The following FDX1 variants were observed in gnomAD, a reference collection of about 807,000 sequenced individuals.
FDX1 encodes adrenodoxin, mitochondrial.
Under a neutral mutation model 14.9 loss-of-function variants are expected in FDX1, and 9 were observed. The observed-to-expected ratio is 0.60, with a 90% CI of 0.36 to 1.05. The LOEUF (loss-of-function observed/expected upper bound fraction) is 1.05. FDX1 is among the 50% of genes least tolerant of loss of function. FDX1 has a pLI of 0.01. For synonymous variants in FDX1, 92 were observed against 99.4 expected, an observed-to-expected ratio of 0.93 and a Z score of 0.44; for missense variants, 204 against 237.2, an observed-to-expected ratio of 0.86 and a Z score of 0.92.
At position 110,459,870 on chromosome 11, in the gene FDX1, C is replaced by A. The variant is rs374355548; in HGVS notation, c.441-2484C>A. Among the ~76,000 whole-genome samples the A allele has an allele frequency of 3.4e-4, 52 of 152,364 alleles. 1 individual carries two copies. In the South Asian group the frequency reaches 9.9e-3, roughly 29 times the overall value. ...CCACAGAGCGCCACTGCCTTATTCT[C>A]TAGACTGAGCAGGAGCTTTTTGTTC... On this transcript the variant is annotated intron_variant, in intron 3 of 3. Coordinates refer to ENST00000260270, the MANE Select transcript of FDX1 (RefSeq NM_004109.5).
chr11:110,451,469 C>A (rs1421664155), intron 2 of FDX1, among the ~76,000 whole-genome samples: 2 of 152,126 alleles, frequency 1.3e-5, no homozygotes, highest in Non-Finnish European at 1.5e-5. Flanking sequence ...GAAATATGAA[C>A]ACTTTTACAC....
chr11:110,444,723 C>CGTATATATATATATAT (rs1946436016), intron 2 of FDX1, among the ~76,000 whole-genome samples: 2 of 23,918 alleles, frequency 8.4e-5, no homozygotes, highest in East Asian at 1.5e-3. Flanking sequence ...TATATATATA[C>CGTATATATATATATAT]GTATATATAT....
chr11:110,445,432 A>C (rs1195914854), intron 2 of FDX1, among the ~76,000 whole-genome samples: 3 of 152,152 alleles, frequency 2.0e-5, no homozygotes, highest in African/African-American at 7.2e-5. Flanking sequence ...GGTGACAACT[A>C]TTACAAGGTC....
chr11:110,447,382 A>C (rs1946458391), intron 2 of FDX1, among the ~76,000 whole-genome samples: 1 of 149,730 alleles, frequency 6.7e-6, no homozygotes, highest in Non-Finnish European at 1.5e-5. Context: ...CGAACCAGGG[A>C]GTCGGAGGTT....
At chr11:110,454,649 A>G (rs1430883439) in intron 2 of FDX1, among the ~76,000 whole-genome samples, 4 of 152,082 alleles carry the variant, frequency 2.6e-5, no homozygotes, top group African/African-American at 4.8e-5. Flanking sequence ...GTAACTTTGG[A>G]TAATAATAAT....
At chr11:110,432,834 C>T (rs766139798) in intron 1 of FDX1, among the ~76,000 whole-genome samples, 5 of 152,152 alleles carry the variant, frequency 3.3e-5, no homozygotes, top group Admixed American at 2.0e-4. Flanking sequence ...ATTTTTCTTT[C>T]GTTTCCGCCT....
At chr11:110,448,070 G>GA (rs1310013813) in intron 2 of FDX1, among the ~76,000 whole-genome samples, 2 of 152,196 alleles carry the variant, frequency 1.3e-5, no homozygotes, top group Non-Finnish European at 2.9e-5. Flanking sequence ...TCTTTTGGAT[G>GA]ATGCAGGTAC....
chr11:110,441,920 G>T (rs2358321), intron 2 of FDX1, among the ~76,000 whole-genome samples: 76 of 152,172 alleles, frequency 5.0e-4, no homozygotes, highest in African/African-American at 1.6e-3. Context: ...CTGGGCCCAG[G>T]GCCCCCTTGC....
chr11:110,456,889 C>G (rs777920474), intron 2 of FDX1, 29 bp from the exon 3 acceptor site: 12 of 1,597,258 alleles, frequency 7.5e-6, no homozygotes, highest in African/African-American at 1.3e-5. Context: ...GTAGAAGGGA[C>G]TATGTTCAGT....
At chr11:110,432,233 G>A (rs565941736) in intron 1 of FDX1, among the ~76,000 whole-genome samples, 41 of 152,200 alleles carry the variant, frequency 2.7e-4, no homozygotes, top group African/African-American at 8.4e-4. Flanking sequence ...GACACAAGGG[G>A]GTTTGCAGTG....
rs111401137 is a variant in FDX1 at position 110,462,029 on chromosome 11, C to T, written c.441-325C>T. Among the ~76,000 whole-genome samples, 95 of 152,266 alleles carry T rather than the reference C, an allele frequency of 6.2e-4. 1 individual carries two copies. Among genetic ancestry groups the T allele is most frequent in the African/African-American group, 2.2e-3 (91 of 41,558 alleles). ...GGCCTTGCTAATAACCTCAGTTCTC[C>T]ACCATTGTGCCTTCTGATTGTTTCC... On this transcript the variant is annotated intron_variant, in intron 3 of 3. Coordinates refer to ENST00000260270, the MANE Select transcript of FDX1 (RefSeq NM_004109.5).
At chr11:110,439,016 C>T (rs763838405) in intron 2 of FDX1, among the ~76,000 whole-genome samples, 2 of 152,104 alleles carry the variant, frequency 1.3e-5, no homozygotes, top group Non-Finnish European at 2.9e-5. Flanking sequence ...AGTGATTCTC[C>T]TGCCTCAGCC....
In FDX1 at chr11:110,449,246, A is replaced by G. The variant is rs1946471121; in HGVS notation, c.311-7672A>G. On this transcript the variant is annotated intron_variant, in intron 2 of 3. Transcript: ENST00000260270. ...TGTAAACAAAATCAAAGCAGTACTA[A>G]AATGTATATACTTTTAAGTTCATGA... Among the ~76,000 whole-genome samples, 2 of 152,338 alleles carry G rather than the reference A, an allele frequency of 1.3e-5. 1 individual carries two copies. Among genetic ancestry groups the G allele is most frequent in the South Asian group, 4.1e-4 (2 of 4,822 alleles).
chr11:110,439,206 G>A (rs1458421888), intron 2 of FDX1, among the ~76,000 whole-genome samples: 1 of 150,968 alleles, frequency 6.6e-6, no homozygotes, highest in Non-Finnish European at 1.5e-5. Context: ...TGCCTGCTCT[G>A]CCCACTTCCC....
chr11:110,455,311 T>C (rs564240079), intron 2 of FDX1, among the ~76,000 whole-genome samples: 11 of 152,236 alleles, frequency 7.2e-5, no homozygotes, highest in Non-Finnish European at 1.6e-4. Context: ...GTTTTTTTTT[T>C]CCTTACGGTA....
chr11:110,459,497 C>T (rs1946543517), intron 3 of FDX1, among the ~76,000 whole-genome samples: 1 of 152,204 alleles, frequency 6.6e-6, no homozygotes, highest in Non-Finnish European at 1.5e-5. Flanking sequence ...TAAGGCTGCA[C>T]AGCTAGTGGG....
At chr11:110,435,032 G>T (rs972505415) in intron 1 of FDX1, among the ~76,000 whole-genome samples, 21 of 151,968 alleles carry the variant, frequency 1.4e-4, no homozygotes, top group African/African-American at 5.1e-4. Context: ...AGGAGTACAG[G>T]TATGAGCCAC....
intron 1 of FDX1, among the ~76,000 whole-genome samples, chr11:110,432,122 G>A (rs1946335845): frequency 6.6e-6 from 1 of 152,206 alleles, no homozygotes; most frequent in Non-Finnish European, 1.5e-5. Context: ...TAGACAGACA[G>A]AGCAGTTCTA....
At chr11:110,440,403 A>G (rs184466287) in intron 2 of FDX1, among the ~76,000 whole-genome samples, 3 of 152,320 alleles carry the variant, frequency 2.0e-5, no homozygotes, top group Admixed American at 6.5e-5. Context: ...TCAGTGCTCT[A>G]AACTTCATCT....
Sources: allele counts gnomAD v4.1 joint callset (sites outside exome capture counted in the v4.1 genomes callset), GRCh38; gene constraint gnomAD v4.1.1; transcripts MANE v1.5; gene names NCBI Gene and HGNC (gene_info 2026-07-23, HGNC 2026-07-21).